CCSER1: variants seen among roughly 807,000 people sequenced by gnomAD.
The protein encoded by CCSER1 is coiled-coil serine rich protein 1.
Under a neutral mutation model 82.0 loss-of-function variants are expected in CCSER1, and 41 were observed. The observed-to-expected ratio is 0.50, with a 90% CI of 0.39 to 0.65. The LOEUF (loss-of-function observed/expected upper bound fraction) is 0.65, where lower values mean the gene tolerates loss of function less well. Among genes scored for constraint, CCSER1 ranks in the 30% least tolerant of loss-of-function variants. The pLI is 0.00. For synonymous variants in CCSER1, 414 were observed against 383.9 expected (o/e 1.08, Z -0.92); for missense variants, 1,119 against 1,064.2 (o/e 1.05, Z -0.72).
chr4:90,718,747 G>A (rs958667613), intron 6 of CCSER1, among the ~76,000 whole-genome samples: 5 of 152,062 alleles, frequency 3.3e-5, no homozygotes, highest in African/African-American at 9.7e-5. Context: ...ACAATAAATA[G>A]CCTGGTTATA....
chr4:90,141,020 A>ATATCTATC (rs60163485), intron 1 of CCSER1, among the ~76,000 whole-genome samples: 48,759 of 145,698 alleles, frequency 0.33, 8,463 homozygotes, highest in African/African-American at 0.41. Context: ...ACCCAGCAAG[A>ATATCTATC]TATCTATCTA....
intron 1 of CCSER1, among the ~76,000 whole-genome samples, chr4:90,233,634 T>TA (rs201436932): frequency 2.6e-4 from 37 of 140,640 alleles, no homozygotes; most frequent in Non-Finnish European, 3.6e-4. Flanking sequence ...AATAATAAAT[T>TA]AAAAAAAAAA....
chr4:91,267,353 C>A (rs1741679694), intron 10 of CCSER1, among the ~76,000 whole-genome samples: 1 of 151,926 alleles, frequency 6.6e-6, no homozygotes, highest in South Asian at 2.1e-4. Context: ...CATAATTTAT[C>A]ATAATTGGCA....
chr4:91,289,689 G>T (rs969278261), intron 10 of CCSER1, among the ~76,000 whole-genome samples: 7 of 151,988 alleles, frequency 4.6e-5, no homozygotes, highest in Non-Finnish European at 1.0e-4. Context: ...TATGTGGTGG[G>T]ATTATGGGAT....
At chr4:90,729,208 A>T (rs1401648951) in intron 7 of CCSER1, among the ~76,000 whole-genome samples, 1 of 152,216 alleles carries the variant, frequency 6.6e-6, no homozygotes, top group Non-Finnish European at 1.5e-5. Flanking sequence ...ACTGTTGATT[A>T]TTATTTTTAT....
chr4:90,744,754 A>G (rs189570017), intron 7 of CCSER1, among the ~76,000 whole-genome samples: 21 of 152,194 alleles, frequency 1.4e-4, no homozygotes, highest in Admixed American at 1.3e-3. Flanking sequence ...TGTGAACTGC[A>G]CGTACAAGGG....
chr4:90,356,831 A>G (rs369948101), intron 3 of CCSER1, among the ~76,000 whole-genome samples: 5 of 151,856 alleles, frequency 3.3e-5, no homozygotes, highest in African/African-American at 7.2e-5. Flanking sequence ...GAAAATATCA[A>G]TGAAGCTGTC....
At chr4:90,312,787 T>C (rs1451471360) in intron 2 of CCSER1, 76 bp from the exon 3 acceptor site, 2 of 1,147,088 alleles carry the variant, frequency 1.7e-6, no homozygotes, top group Non-Finnish European at 2.5e-6. Flanking sequence ...GAGTTTTTCA[T>C]GATCTTTCAG....
intron 8 of CCSER1, among the ~76,000 whole-genome samples, chr4:90,903,385 C>A (rs1311227538): frequency 2.0e-5 from 3 of 152,056 alleles, no homozygotes; most frequent in African/African-American, 7.2e-5. Context: ...TCACCTCCTG[C>A]CATGATTCTG....
chr4:91,501,051 GTTCTA>G (rs1553946923), intron 10 of CCSER1, among the ~76,000 whole-genome samples: 1 of 151,574 alleles, frequency 6.6e-6, no homozygotes, highest in Non-Finnish European at 1.5e-5. Context: ...TAGATTAGTT[GTTCTA>G]TTTATATTAA....
intron 10 of CCSER1, among the ~76,000 whole-genome samples, chr4:91,184,119 A>G (rs773282133): frequency 6.6e-6 from 1 of 152,224 alleles, no homozygotes; most frequent in Non-Finnish European, 1.5e-5. Context: ...TGATCATAAC[A>G]TTGGAGTAAT....
chr4:91,054,699 G>C (rs1001618592), intron 9 of CCSER1, among the ~76,000 whole-genome samples: 1 of 146,048 alleles, frequency 6.8e-6, no homozygotes, highest in Non-Finnish European at 1.5e-5. Flanking sequence ...TCTCAGATTT[G>C]AGATTTTTTT....
chr4:90,752,344 GT>G (rs1748799340), intron 7 of CCSER1, among the ~76,000 whole-genome samples: 1 of 151,994 alleles, frequency 6.6e-6, no homozygotes, highest in Non-Finnish European at 1.5e-5. Context: ...GAACCTTTCT[GT>G]TTGTGTGGAA....
intron 5 of CCSER1, among the ~76,000 whole-genome samples, chr4:90,471,318 C>T (rs987124238): frequency 1.3e-5 from 2 of 151,826 alleles, no homozygotes; most frequent in Non-Finnish European, 2.9e-5. Context: ...ACCTATACTC[C>T]CAGATACTCA....
intron 5 of CCSER1, among the ~76,000 whole-genome samples, chr4:90,524,278 G>A (rs1773480258): frequency 6.6e-6 from 1 of 152,132 alleles, no homozygotes; most frequent in Non-Finnish European, 1.5e-5. Context: ...GAAAACTTCA[G>A]GCCTTTTTTG....
intron 10 of CCSER1, among the ~76,000 whole-genome samples, chr4:91,517,440 T>C (rs1385567052): frequency 6.6e-6 from 1 of 152,220 alleles, no homozygotes; most frequent in Non-Finnish European, 1.5e-5. Context: ...TCTGCATCTA[T>C]TTAGATAATC....
intron 3 of CCSER1, among the ~76,000 whole-genome samples, chr4:90,349,609 C>T (rs1177391651): frequency 6.6e-6 from 1 of 151,908 alleles, no homozygotes; most frequent in African/African-American, 2.4e-5. Flanking sequence ...ATTCTTTACC[C>T]TTGTTTGTCA....
chr4:91,277,637 TG>T (rs1239636538), intron 10 of CCSER1, among the ~76,000 whole-genome samples: 3 of 151,704 alleles, frequency 2.0e-5, no homozygotes, highest in East Asian at 1.9e-4. Context: ...AACAACTTTT[TG>T]TTTCATTGAT....
At chr4:90,514,504 T>G (rs1428193522) in intron 5 of CCSER1, among the ~76,000 whole-genome samples, 1 of 152,114 alleles carries the variant, frequency 6.6e-6, no homozygotes, top group Non-Finnish European at 1.5e-5. Context: ...TCTGTAAATC[T>G]CAGCACTTTG....
Sources: gnomAD v4.1 joint callset for allele counts (sites outside exome capture counted in the v4.1 genomes callset) on GRCh38, gnomAD v4.1.1 for gene constraint, MANE v1.5 for transcripts, NCBI Gene and HGNC (gene_info 2026-07-23, HGNC 2026-07-21) for gene names.